FILIP1: variants seen among roughly 807,000 people sequenced by gnomAD.
FILIP1 encodes the protein filamin-A-interacting protein 1.
Under a neutral mutation model 102.1 loss-of-function variants are expected in FILIP1, and 61 were observed. The observed-to-expected ratio is 0.60, with a 90% CI of 0.49 to 0.74. The LOEUF (loss-of-function observed/expected upper bound fraction) is 0.74, where lower values mean the gene tolerates loss of function less well. FILIP1 is among the 30% of genes least tolerant of loss of function. FILIP1 has a pLI of 0.00. For synonymous variants in FILIP1, 491 were observed against 526.9 expected (o/e 0.93, Z 0.93); for missense variants, 1,314 against 1,441.2 (o/e 0.91, Z 1.43).
At chr6:75,414,674 C>A (rs1242952045) in intron 2 of FILIP1, 23 bp downstream of exon 2, 1 of 1,603,062 alleles carries the variant, frequency 6.2e-7, no homozygotes, top group Non-Finnish European at 8.5e-7. Context: ...GACACAATAA[C>A]AGTTGGGAAA....
At chr6:75,419,824 C>G (rs9447476) in intron 1 of FILIP1, among the ~76,000 whole-genome samples, 34,199 of 152,090 alleles carry the variant, frequency 0.22, 3,881 homozygotes, top group South Asian at 0.3. Context: ...AATATCCCAA[C>G]TCACGAAATG....
rs1491446223 is a variant in FILIP1, at chr6:75,296,339, CTT to C, written c.3494-391_3494-390del. On this transcript the variant is annotated intron_variant, in intron 6 of 6. Coordinates refer to the FILIP1 transcript ENST00000393004. ...AACAATATTTACACCTCTTCAATTT[CTT>C]TGTGTGTGTGTGTGTGTGTGTGTGT... 1.9e-3 allele frequency among the ~76,000 whole-genome samples: 194 copies of C among 101,818 alleles called. 3 individuals carry two copies. The East Asian group carries it at 0.039, about 20-fold the overall frequency. The allele number at this position is 101,818 out of a possible 152,430, so 66.8% of individuals were successfully genotyped here.
At chr6:75,332,892 C>T (rs573470432) in intron 4 of FILIP1, among the ~76,000 whole-genome samples, 4 of 152,292 alleles carry the variant, frequency 2.6e-5, no homozygotes, top group Non-Finnish European at 4.4e-5. Context: ...CCATACACCT[C>T]ATTTTACTCC....
chr6:75,428,146 T>A (rs1436305675), intron 1 of FILIP1, among the ~76,000 whole-genome samples: 1 of 152,166 alleles, frequency 6.6e-6, no homozygotes, highest in East Asian at 1.9e-4. Flanking sequence ...AATCCCCTTT[T>A]CTTTGCTAAG....
chr6:75,342,821 A>G (rs186146552), intron 4 of FILIP1, among the ~76,000 whole-genome samples: 31 of 152,308 alleles, frequency 2.0e-4, no homozygotes, highest in African/African-American at 6.7e-4. Context: ...AGGCACAGGG[A>G]AAAATCTAGA....
chr6:75,334,222 G>A (rs4708181), intron 4 of FILIP1, among the ~76,000 whole-genome samples: 97,917 of 152,026 alleles, frequency 0.64, 31,889 homozygotes, highest in Middle Eastern at 0.74. Context: ...ACTGCTGGTA[G>A]TAAGACAAGA....
intron 1 of FILIP1, among the ~76,000 whole-genome samples, chr6:75,453,776 C>A (rs1463326558): frequency 1.3e-5 from 2 of 152,098 alleles, no homozygotes; most frequent in Non-Finnish European, 2.9e-5. Flanking sequence ...CAGGCCAGAG[C>A]ACTCTGGCCA....
chr6:75,437,317 G>A (rs572375572), intron 1 of FILIP1, among the ~76,000 whole-genome samples: 1 of 152,288 alleles, frequency 6.6e-6, no homozygotes, highest in South Asian at 2.1e-4. Context: ...GAGTTTGTAT[G>A]GACAAACTTA....
chr6:75,315,963 T>C (rs1211499620), intron 4 of FILIP1, among the ~76,000 whole-genome samples: 4 of 152,232 alleles, frequency 2.6e-5, no homozygotes, highest in Non-Finnish European at 5.9e-5. Context: ...CTGATTTACA[T>C]AAATTGATTT....
intron 1 of FILIP1, among the ~76,000 whole-genome samples, chr6:75,469,674 A>G (rs1043936113): frequency 6.6e-6 from 1 of 152,114 alleles, no homozygotes; most frequent in Non-Finnish European, 1.5e-5. Context: ...AAAATACTAG[A>G]AATTTAAATC....
intron 2 of FILIP1, among the ~76,000 whole-genome samples, chr6:75,409,061 T>C (rs144187110): frequency 3.3e-5 from 5 of 152,340 alleles, no homozygotes; most frequent in Non-Finnish European, 7.3e-5. Flanking sequence ...AAAAGTTTCA[T>C]CTTTTCACAA....
intron 2 of FILIP1, chr6:75,386,444 C>G (rs1051179423): frequency 6.6e-6 from 1 of 152,158 alleles, no homozygotes; most frequent in Admixed American, 6.6e-5. Flanking sequence ...AGCCTTTTTT[C>G]TACAGCCACT....
intron 4 of FILIP1, among the ~76,000 whole-genome samples, chr6:75,318,766 C>G (rs1003133340): frequency 7.2e-5 from 11 of 152,078 alleles, no homozygotes; most frequent in Non-Finnish European, 1.3e-4. Context: ...TGTGCACCAA[C>G]AAGAACCTGC....
intron 2 of FILIP1, among the ~76,000 whole-genome samples, chr6:75,394,082 G>A (rs1776374769): frequency 6.6e-6 from 1 of 152,136 alleles, no homozygotes; most frequent in African/African-American, 2.4e-5. Flanking sequence ...AGCCCTAGAG[G>A]TGATAGCTGC....
intron 2 of FILIP1, among the ~76,000 whole-genome samples, chr6:75,391,590 T>G (rs976907025): frequency 6.6e-6 from 1 of 152,172 alleles, no homozygotes; most frequent in African/African-American, 2.4e-5. Flanking sequence ...AGAAGTAAAC[T>G]GACTGTGCTT....
At chr6:75,491,845 C>T (rs1425334781) in intron 1 of FILIP1, among the ~76,000 whole-genome samples, 4 of 152,188 alleles carry the variant, frequency 2.6e-5, no homozygotes, top group African/African-American at 7.2e-5. Context: ...GACTTTTACA[C>T]AGGGCCAAAT....
intron 1 of FILIP1, among the ~76,000 whole-genome samples, chr6:75,449,315 G>A (rs905358959): frequency 6.6e-6 from 1 of 152,048 alleles, no homozygotes; most frequent in African/African-American, 2.4e-5. Flanking sequence ...ATGGACTTTG[G>A]GGACTTGGGG....
intron 4 of FILIP1, among the ~76,000 whole-genome samples, chr6:75,331,369 T>C (rs116130831): frequency 3.2e-4 from 48 of 152,298 alleles, no homozygotes; most frequent in African/African-American, 9.1e-4. Flanking sequence ...TTACACACTC[T>C]AGTATGAAGC....
intron 4 of FILIP1, among the ~76,000 whole-genome samples, chr6:75,335,242 T>C (rs1299284947): frequency 1.3e-5 from 2 of 152,170 alleles, no homozygotes; most frequent in Admixed American, 6.6e-5. Context: ...GGCTACAGAA[T>C]GCCAAGTGCC....
Sources: allele counts gnomAD v4.1 joint callset (sites outside exome capture counted in the v4.1 genomes callset), GRCh38; gene constraint gnomAD v4.1.1; transcripts MANE v1.5; gene names NCBI Gene and HGNC (gene_info 2026-07-23, HGNC 2026-07-21).